Variants in JMJD8 observed in about 807,000 individuals in gnomAD.
JMJD8 encodes jumonji domain containing 8, also known as jmjC domain-containing protein 8.
Under a neutral mutation model 37.6 loss-of-function variants are expected in JMJD8, and 56 were observed. That is an observed-to-expected ratio of 1.49 (90% CI 1.20 to 1.86). The LOEUF is 1.86. Ranked by LOEUF, JMJD8 falls within the 40% of genes most tolerant of loss-of-function variation. The probability of loss-of-function intolerance (pLI) is 0.00; values close to 1 mark genes in which losing one functional copy is unlikely to be tolerated. For missense variants in JMJD8, 542 were observed against 362.7 expected, an observed-to-expected ratio of 1.49 and a Z score of -4.01; for synonymous variants, 261 against 163.7, an observed-to-expected ratio of 1.59 and a Z score of -4.54.
chr16:683,479 C>A, intron 5 of JMJD8, 38 bp from the exon 6 acceptor site: 1 of 1,548,836 alleles, frequency 6.5e-7, no homozygotes, highest in Non-Finnish European at 8.7e-7. Context: ...ATCCTGGCAC[C>A]TGGAGACTCC....
chr16:683,681 G>A lies in JMJD8; in HGVS notation c.322+4C>T, dbSNP rs757024274. 4 of 1,598,936 alleles carry A rather than the reference G, an allele frequency of 2.5e-6. No homozygotes were observed. Among genetic ancestry groups the A allele is most frequent in the Admixed American group, 1.7e-5 (1 of 57,928 alleles). ...GGGCGGGCCCCAGGGGTGAGGCCGC[G>A]TACCTTTGTGGTAGGAGTAGGTGTT... is the stretch of plus-strand genomic sequence containing the variant. On this transcript the variant is annotated splice_donor_region_variant and intron_variant, in intron 4 of 8. Transcript: ENST00000609261.
rs531001243 is a variant in JMJD8 at position 684,054 on chromosome 16, G to A, written c.176+12C>T. 80 of 1,579,506 alleles carry A rather than the reference G, an allele frequency of 5.1e-5. No homozygotes were observed. In the African/African-American group the frequency reaches 9.8e-4, roughly 19 times the overall value. On this transcript the variant is annotated intron_variant, in intron 2 of 8. Coordinates refer to ENST00000609261, the MANE Select transcript of JMJD8 (RefSeq NM_001005920.4). ...AACAGGACGCGACCTCCGCGATCAG[G>A]GGCGCACGTACTGCTGCACGAACTC...
chr16:684,024 C>A (rs759489237), intron 2 of JMJD8, 42 bp downstream of exon 2: 4 of 1,569,508 alleles, frequency 2.5e-6, no homozygotes, highest in East Asian at 4.7e-5. Context: ...GCAGACGGGC[C>A]GGTGAACAGG....
intron 1 of JMJD8, 36 bp downstream of exon 1, chr16:684,198 G>A (rs938161134): frequency 1.1e-5 from 15 of 1,309,006 alleles, no homozygotes; most frequent in African/African-American, 4.7e-5. Flanking sequence ...CCCGCCGCAC[G>A]TGACCCCACC....
Position 683,771 on chromosome 16 carries a change from G to A in JMJD8, c.236C>T (p.Ala79Val), listed in dbSNP as rs1286119401. 2.5e-6 allele frequency: 4 copies of A among 1,607,580 alleles called. No individual in the cohort carries two copies. The highest frequency in any genetic ancestry group is 2.5e-6 in the Non-Finnish European group (3 of 1,177,712). Residue 79 changes from alanine (A) to valine (V), a missense_variant, in exon 4 of 9, where the codon GCC (alanine) becomes GTC (valine). Physicochemically the swap from Ala to Val is moderately conservative, Grantham distance 64. Coordinates refer to ENST00000609261, the MANE Select transcript of JMJD8 (RefSeq NM_001005920.4). ...CAGCAACCTGTCGCGGGAGCACAGG[G>A]CCCGGAACCTCTGCGGGGGCGGGGA... ...QGLTDNSRFR[A>V]LCSRDRLLAS...
Position 683,612 on chromosome 16 carries a change from A to G in JMJD8, c.323-14T>C, listed in dbSNP as rs574706568. On this transcript the variant is annotated splice_polypyrimidine_tract_variant and intron_variant, in intron 4 of 8. Transcript: ENST00000609261. The stretch of plus-strand genomic sequence containing the variant: ...AGGGCAAGTCCACTGCAGGAAAGAG[A>G]CGGGTCAGGACCGTCTGGTCCAGCC... 63 of 1,576,138 alleles carry G rather than the reference A, an allele frequency of 4.0e-5. 1 individual carries two copies. The South Asian group carries it at 5.6e-4, about 14-fold the overall frequency.
intron 2 of JMJD8, 35 bp downstream of exon 2, chr16:684,031 C>A: frequency 3.2e-6 from 5 of 1,573,124 alleles, no homozygotes; most frequent in Non-Finnish European, 4.3e-6. Context: ...GGCCGGTGAA[C>A]AGGACGCGAC....
In JMJD8 at chr16:682,035, G is replaced by A; in HGVS notation, c.*759C>T. On this transcript the variant is annotated 3_prime_UTR_variant, in exon 9 of 9. Transcript: ENST00000609261. ...CTCTTCACAGGACAAGTACATGGCGGACATGGACGAGCTTTTTTCTCAGGT... is the reference window on the plus strand; with the variant it reads ...CTCTTCACAGGACAAGTACATGGCGAACATGGACGAGCTTTTTTCTCAGGT... 3 of 1,592,580 alleles carry A rather than the reference G, an allele frequency of 1.9e-6. No homozygotes were observed. Among genetic ancestry groups the A allele is most frequent in the Non-Finnish European group, 2.6e-6 (3 of 1,164,446 alleles).
chr16:684,246 C>G lies in JMJD8; in HGVS notation c.74G>C (p.Gly25Ala), dbSNP rs1244735500. 1.3e-5 allele frequency: 18 copies of G among 1,356,272 alleles called. No individual in the cohort carries two copies. In the Admixed American group the frequency reaches 5.7e-4, roughly 43 times the overall value. The allele number at this position is 1,356,272 out of a possible 1,614,324, so 84.0% of individuals were successfully genotyped here. The stretch of plus-strand genomic sequence containing the variant: ...CCGGGCCGCTCACCACCCGCCGTCG[C>G]CCTCCGCCCCGGAGCCGGGTAGAGC... ...AVALPGSGAE[G>A]DGGWRPGGPG... Residue 25 changes from glycine (G) to alanine (A), a missense_variant, in exon 1 of 9, where the codon GGC becomes GCC. Transcript: ENST00000609261.
chr16:683,738 A>C lies in JMJD8; in HGVS notation c.269T>G (p.Phe90Cys). The C allele has an allele frequency of 6.2e-7, 1 of 1,610,196 alleles. No individual in the cohort carries two copies. The highest frequency in any genetic ancestry group is 1.1e-5 in the South Asian group (1 of 90,574). Residue 90 changes from phenylalanine to cysteine, a missense_variant, in exon 4 of 9, where the codon TTT (phenylalanine) becomes TGT (cysteine). Physicochemically the swap from Phe to Cys is radical, Grantham distance 205 (BLOSUM62 -2). Transcript: ENST00000609261. ...GCTCAGCCGGACCACTCTGTCCCCA[A>C]ACGAAGCCAGCAACCTGTCGCGGGA... ...LCSRDRLLAS[F>C]GDRVVRLSTA...
At position 682,665 on chromosome 16, in the gene JMJD8, T is replaced by A. The variant is rs2039721101; in HGVS notation, c.*129A>T. On this transcript the variant is annotated 3_prime_UTR_variant, in exon 9 of 9. Transcript: ENST00000609261. Reference sequence around the variant, plus strand: ...TTGCTGGGCCGTGATCGTCCCCCTTTGTGGGCTGGAAAAGCAGGTGAGGGT... The same window carrying A: ...TTGCTGGGCCGTGATCGTCCCCCTTAGTGGGCTGGAAAAGCAGGTGAGGGT... 1 of 1,407,258 alleles carries A rather than the reference T, an allele frequency of 7.1e-7. No homozygotes were observed. The highest frequency in any genetic ancestry group is 1.4e-5 in the African/African-American group (1 of 71,032). 87.2% of individuals were successfully genotyped at this position (1,407,258 alleles called of 1,614,324 possible). A position where few individuals can be genotyped will look rare whatever the true frequency, so the allele number is the denominator to read the frequency against.
chr16:683,160 T>G lies in JMJD8; in HGVS notation c.579+7A>C. On this transcript the variant is annotated splice_region_variant and intron_variant, in intron 7 of 8. Transcript: ENST00000609261. ...GTCCCAAGCCTCAACCCCCACCCCGTGCTGACCTTACGACCGTAGATCACT... is the reference window on the plus strand; with the variant it reads ...GTCCCAAGCCTCAACCCCCACCCCGGGCTGACCTTACGACCGTAGATCACT... 1 of 1,613,410 alleles carries G rather than the reference T, an allele frequency of 6.2e-7. No individual in the cohort carries two copies. Among genetic ancestry groups the G allele is most frequent in the Non-Finnish European group, 8.5e-7 (1 of 1,179,864 alleles).
Position 682,436 on chromosome 16 carries a change from AAGG to A in JMJD8, c.*355_*357del, listed in dbSNP as rs770947195. ...ACAGCTCATCCCCAACTTGGCTATG[AAGG>A]AGGTTATTGACGCATTCATCTCTGA... On this transcript the variant is annotated 3_prime_UTR_variant, in exon 9 of 9. Transcript: ENST00000609261. 4 of 1,613,418 alleles carry A rather than the reference AAGG, an allele frequency of 2.5e-6. No homozygotes were observed. The highest frequency in any genetic ancestry group is 3.4e-6 in the Non-Finnish European group (4 of 1,180,004).
chr16:683,909 C>A lies in JMJD8; in HGVS notation c.177G>T (p.Gln59His). Reference protein sequence around the residue: ...ADLTYAEFVQQYAFVRPVILQ... With the variant: ...ADLTYAEFVQHYAFVRPVILQ... ...GGATGACGGGCCTGACGAAGGCGTA[C>A]CTGGAAAGAAGGGCAGAGTCGCGGC... Residue 59 changes from glutamine (Q) to histidine (H), a missense_variant and splice_region_variant, in exon 3 of 9, where the codon CAG becomes CAT. Physicochemically the swap from Gln to His is conservative, Grantham distance 24 (BLOSUM62 0). Coordinates refer to ENST00000609261, the MANE Select transcript of JMJD8 (RefSeq NM_001005920.4). 1 of 1,577,994 alleles carries A rather than the reference C, an allele frequency of 6.3e-7. No homozygotes were observed. Among genetic ancestry groups the A allele is most frequent in the Non-Finnish European group, 8.6e-7 (1 of 1,165,108 alleles).
Position 681,712 on chromosome 16 carries a change from T to TGTG in JMJD8, c.*1079_*1081dup. The TGTG allele has an allele frequency of 1.9e-6, 3 of 1,552,118 alleles. No individual in the cohort carries two copies. The highest frequency in any genetic ancestry group is 2.4e-5 in the South Asian group (2 of 83,484). On this transcript the variant is annotated 3_prime_UTR_variant, in exon 9 of 9. Coordinates refer to ENST00000609261, the MANE Select transcript of JMJD8 (RefSeq NM_001005920.4). Reference sequence around the variant, plus strand: ...CTGGCAAGCAGGAAATGTGGGGAAGTGTGGATGTTAGCTCTGAGATTGGGG... The same window carrying TGTG: ...CTGGCAAGCAGGAAATGTGGGGAAGTGTGGTGGATGTTAGCTCTGAGATTGGGG...
At position 683,530 on chromosome 16, in the gene JMJD8, C is replaced by T. The variant is rs972394668; in HGVS notation, c.391G>A (p.Asp131Asn). 8 of 1,555,424 alleles carry T rather than the reference C, an allele frequency of 5.1e-6. No individual in the cohort carries two copies. Among genetic ancestry groups the T allele is most frequent in the African/African-American group, 1.4e-5 (1 of 73,460 alleles). The change falls in exon 5 of 9, where the codon GAC becomes AAC. Residue 131 changes from aspartate (D) to asparagine (N), a missense_variant and splice_region_variant. Physicochemically the swap from Asp to Asn is conservative, Grantham distance 23. Coordinates refer to ENST00000609261, the MANE Select transcript of JMJD8 (RefSeq NM_001005920.4). Reference sequence around the variant, plus strand: ...CTACCGCCGCCTAGGGCTGCCTCACCATTGCCCAGGGAGGTGGGGTCCTGG... The same window carrying T: ...CTACCGCCGCCTAGGGCTGCCTCACTATTGCCCAGGGAGGTGGGGTCCTGG... The part of the protein sequence containing the change: ...HPQDPTSLGN[D>N]TLYFFGDNNF...
chr16:684,225 G>A lies in JMJD8; in HGVS notation c.86+9C>T. The A allele has an allele frequency of 7.5e-7, 1 of 1,335,992 alleles. No homozygotes were observed. The allele number at this position is 1,335,992 out of a possible 1,614,324, so 82.8% of individuals were successfully genotyped here. A position where few individuals can be genotyped will look rare whatever the true frequency, so the allele number is the denominator to read the frequency against. The stretch of plus-strand genomic sequence containing the variant: ...GACCCCACCGCCCGGCCCCTCCCGG[G>A]CCGCTCACCACCCGCCGTCGCCCTC... On this transcript the variant is annotated intron_variant, in intron 1 of 8. Coordinates refer to ENST00000609261, the MANE Select transcript of JMJD8 (RefSeq NM_001005920.4).
rs143571326 is a variant in JMJD8 at position 683,017 on chromosome 16, C to T, written c.650G>A (p.Arg217Gln). ...CGGTGGCAGGGCTGGGTATGTGTCC[C>T]GGAGCCAGGCCAGCGTGGTCTTGTT... The part of the protein sequence containing the change: ...HPNKTTLAWL[R>Q]DTYPALPPSA... The change falls in exon 8 of 9, where the codon CGG becomes CAG. Residue 217 changes from arginine to glutamine, a missense_variant. Coordinates refer to ENST00000609261, the MANE Select transcript of JMJD8 (RefSeq NM_001005920.4). 1.9e-4 allele frequency: 312 copies of T among 1,613,416 alleles called. 1 individual carries two copies. The East Asian group carries it at 6.7e-3, about 35-fold the overall frequency.
In JMJD8 at chr16:683,890, C is replaced by G. The variant is rs372746119; in HGVS notation, c.196G>C (p.Val66Leu). 6.3e-7 allele frequency: 1 copy of G among 1,583,046 alleles called. No homozygotes were observed. The highest frequency in any genetic ancestry group is 8.6e-7 in the Non-Finnish European group (1 of 1,167,320). Residue 66 changes from valine (V) to leucine (L), a missense_variant, in exon 3 of 9, where the codon GTC (valine) becomes CTC (leucine). Val to Leu is a conservative substitution (Grantham distance 32). Coordinates refer to ENST00000609261, the MANE Select transcript of JMJD8 (RefSeq NM_001005920.4). The part of the protein sequence containing the change: ...FVQQYAFVRP[V>L]ILQGLTDNSR... ...TTGTCCGTGAGTCCCTGCAGGATGA[C>G]GGGCCTGACGAAGGCGTACCTGGAA...
Sources: gnomAD v4.1 joint callset for allele counts on GRCh38, gnomAD v4.1.1 for gene constraint, MANE v1.5 for transcripts, NCBI Gene and HGNC (gene_info 2026-07-23, HGNC 2026-07-21) for gene names.